Variants in BDP1 observed in about 807,000 individuals in gnomAD.
BDP1 encodes BDP1 general transcription factor IIIB subunit.
In BDP1, 169 loss-of-function variants were observed where a neutral mutation model predicts 266.6. That is an observed-to-expected ratio of 0.63 (90% CI 0.56 to 0.72). The LOEUF (loss-of-function observed/expected upper bound fraction) is 0.72. BDP1 is among the 30% of genes least tolerant of loss of function. The pLI, the probability that BDP1 is intolerant of heterozygous loss-of-function variation, is 0.00. For missense variants in BDP1, 3,015 were observed against 3,053.8 expected, an observed-to-expected ratio of 0.99 and a Z score of 0.30; for synonymous variants, 1,090 against 1,022.4, an observed-to-expected ratio of 1.07 and a Z score of -1.26.
chr5:71,516,295 A>C (rs778249643), intron 21 of BDP1, 24 bp downstream of exon 21: 10 of 1,579,182 alleles, frequency 6.3e-6, no homozygotes, highest in Non-Finnish European at 8.7e-6. Context: ...ATGTAATTAA[A>C]TTTAGCCTTT....
At chr5:71,517,926 AAAG>A (rs1324171545) in intron 22 of BDP1, among the ~76,000 whole-genome samples, 6 of 152,166 alleles carry the variant, frequency 3.9e-5, no homozygotes, top group African/African-American at 7.2e-5. Flanking sequence ...AAAAAAAAGA[AAAG>A]AAGTTTATAA....
At position 71,489,550 on chromosome 5, in the gene BDP1, G is replaced by C; in HGVS notation, c.1360G>C (p.Ala454Pro). 1 of 1,614,116 alleles carries C rather than the reference G, an allele frequency of 6.2e-7. No homozygotes were observed. Among genetic ancestry groups the C allele is most frequent in the Non-Finnish European group, 8.5e-7 (1 of 1,179,996 alleles). The change falls in exon 10 of 39, where the codon GCA becomes CCA. Residue 454 changes from alanine (A) to proline (P), a missense_variant. Ala to Pro is a conservative substitution (Grantham distance 27). This residue lies in a region of BDP1 where 2,383 missense variants were observed against 2,404.9 expected (regional missense o/e 0.99). Transcript: ENST00000358731. Reference protein sequence around the residue: ...TLSREDAEQVALEVDLNQKKR... With the variant: ...TLSREDAEQVPLEVDLNQKKR... ...ATCAAGGGAGGATGCAGAGCAGGTT[G>C]CATTAGAAGTAGACCTAAATCAAAA...
chr5:71,455,894 G>C lies in BDP1; in HGVS notation c.17G>C (p.Arg6Pro), dbSNP rs1761139904. The C allele has an allele frequency of 8.8e-6, 14 of 1,595,866 alleles. No homozygotes were observed. Among genetic ancestry groups the C allele is most frequent in the Non-Finnish European group, 1.2e-5 (14 of 1,171,596 alleles). ...GCCTCCGCCATGTTCCGCAGGGCAC[G>C]CCTTAGCGTGAAGCCGAATGTCAGG... MFRRA[R>P]LSVKPNVRPG... Residue 6 changes from arginine to proline, a missense_variant, in exon 1 of 39, where the codon CGC (arginine) becomes CCC (proline). Arg to Pro is a moderately radical substitution (Grantham distance 103). This residue lies in a region of BDP1 where 2,383 missense variants were observed against 2,404.9 expected (regional missense o/e 0.99). Transcript: ENST00000358731.
chr5:71,536,856 C>T (rs1004757045), intron 26 of BDP1, among the ~76,000 whole-genome samples: 8 of 151,812 alleles, frequency 5.3e-5, no homozygotes, highest in Non-Finnish European at 1.0e-4. Flanking sequence ...AGGTCGAGCG[C>T]GTTGGCTCAC....
At chr5:71,552,432 GGCT>G (rs1235679191) in intron 34 of BDP1, among the ~76,000 whole-genome samples, 1 of 152,282 alleles carries the variant, frequency 6.6e-6, no homozygotes, top group African/African-American at 2.4e-5. Context: ...GCCAGGCAGA[GGCT>G]GCAATCTCGG....
chr5:71,466,242 G>T (rs781069489), intron 5 of BDP1, 21 bp downstream of exon 5: 1 of 1,613,568 alleles, frequency 6.2e-7, no homozygotes, highest in Non-Finnish European at 8.5e-7. Flanking sequence ...AAGAGAAAAA[G>T]TGAGATTGTG....
Position 71,456,099 on chromosome 5 carries a change from T to C in BDP1, c.212+10T>C, listed in dbSNP as rs752804325. Reference sequence around the variant, plus strand: ...AGGCTCCTAGGAGCAGGTAAGAGGTTGCAGAGGGAAGAATTTTCATTTGTC... The same window carrying C: ...AGGCTCCTAGGAGCAGGTAAGAGGTCGCAGAGGGAAGAATTTTCATTTGTC... On this transcript the variant is annotated intron_variant, in intron 1 of 38. Coordinates refer to ENST00000358731, the MANE Select transcript of BDP1 (RefSeq NM_018429.3). 1 of 1,606,510 alleles carries C rather than the reference T, an allele frequency of 6.2e-7. No homozygotes were observed. The highest frequency in any genetic ancestry group is 1.3e-5 in the African/African-American group (1 of 74,638).
chr5:71,568,238 A>G (rs1421058876), downstream of BDP1, among the ~76,000 whole-genome samples: 1 of 152,178 alleles, frequency 6.6e-6, no homozygotes, highest in Non-Finnish European at 1.5e-5. Flanking sequence ...TATTTGGAAG[A>G]GACTCCACAC....
At chr5:71,459,005 T>G (rs1326345818) in intron 2 of BDP1, 150 bp downstream of exon 2, 1 of 683,934 alleles carries the variant, frequency 1.5e-6, no homozygotes, top group African/African-American at 1.8e-5. Flanking sequence ...GTTAATGGAT[T>G]GATTGATACA....
chr5:71,568,494 G>C (rs1478321927), downstream of BDP1, among the ~76,000 whole-genome samples: 3 of 152,140 alleles, frequency 2.0e-5, no homozygotes, highest in African/African-American at 7.2e-5. Flanking sequence ...TAAGAGATGG[G>C]GTTTCGCTTT....
chr5:71,477,277 C>T (rs1762650806), intron 7 of BDP1, among the ~76,000 whole-genome samples: 1 of 152,072 alleles, frequency 6.6e-6, no homozygotes, highest in East Asian at 1.9e-4. Context: ...CCTGCCTCAG[C>T]CTCCTGGACC....
Position 71,525,329 on chromosome 5 carries a change from G to A in BDP1, c.5772+1006G>A, listed in dbSNP as rs1209764307. Reference sequence around the variant, plus strand: ...GGGCAGAGGGGCTCCTCACTTCCCAGTAGGGGCGGCCGGGCAGAGGCACCC... The same window carrying A: ...GGGCAGAGGGGCTCCTCACTTCCCAATAGGGGCGGCCGGGCAGAGGCACCC... On this transcript the variant is annotated intron_variant, in intron 25 of 38. Transcript: ENST00000358731. Among the ~76,000 whole-genome samples, 714 of 142,264 alleles carry A rather than the reference G, an allele frequency of 5.0e-3. 5 individuals carry two copies. The highest frequency in any genetic ancestry group is 0.018 in the African/African-American group (685 of 38,286). 93.3% of individuals were successfully genotyped at this position (142,264 alleles called of 152,430 possible).
intron 9 of BDP1, among the ~76,000 whole-genome samples, chr5:71,487,470 C>T (rs1763335500): frequency 1.3e-5 from 2 of 152,152 alleles, no homozygotes; most frequent in African/African-American, 4.8e-5. Context: ...GTCTTGATCT[C>T]TTGACCTCAT....
chr5:71,548,302 T>G (rs1406328108), intron 32 of BDP1, among the ~76,000 whole-genome samples: 6 of 152,094 alleles, frequency 3.9e-5, no homozygotes, highest in Admixed American at 3.9e-4. Flanking sequence ...TGTTTGTGGT[T>G]TTTTGGAAAA....
At chr5:71,511,258 T>C (rs1191290076) in intron 17 of BDP1, 107 bp downstream of exon 17, 1 of 1,100,154 alleles carries the variant, frequency 9.1e-7, no homozygotes, top group Non-Finnish European at 1.3e-6. Flanking sequence ...TAAAAATCTC[T>C]AAAAGTCTAA....
intron 1 of BDP1, among the ~76,000 whole-genome samples, chr5:71,457,810 T>C (rs1045229919): frequency 1.3e-5 from 2 of 152,234 alleles, no homozygotes; most frequent in African/African-American, 4.8e-5. Context: ...TATAAGTAAT[T>C]ATAAAATAGG....
In BDP1 at chr5:71,488,799, C is replaced by T. The variant is rs190923862; in HGVS notation, c.1214-605C>T. 2.2e-3 allele frequency among the ~76,000 whole-genome samples: 335 copies of T among 150,814 alleles called. 1 individual carries two copies. Among genetic ancestry groups the T allele is most frequent in the African/African-American group, 7.9e-3 (322 of 40,966 alleles). On this transcript the variant is annotated intron_variant, in intron 9 of 38. Coordinates refer to ENST00000358731, the MANE Select transcript of BDP1 (RefSeq NM_018429.3). ...CTTGGCTCACTGCAACCTCCGCCTC[C>T]CGTGTTCAAGTGATTCTCCTGCCTC... is the stretch of plus-strand genomic sequence containing the variant.
In BDP1 at chr5:71,515,109, GT is replaced by G; in HGVS notation, c.4638del (p.Val1547PhefsTer8). Reference protein sequence around the residue: ...QSAPVQKNDSVVSVGTNNVNT... With the variant: ...QSAPVQKNDSXVSVGTNNVNT... ...AGCACCAGTCCAGAAAAATGACTCA[GT>G]TGTTTCTGTGGGGTAAACAGTGATT... On this transcript the variant is annotated frameshift_variant, in exon 20 of 39. Transcript: ENST00000358731. LOFTEE classifies it high-confidence loss of function. 6.3e-7 allele frequency: 1 copy of G among 1,595,116 alleles called. No individual in the cohort carries two copies. The highest frequency in any genetic ancestry group is 8.5e-7 in the Non-Finnish European group (1 of 1,174,294).
At chr5:71,482,986 CAAT>C (rs534890831) in intron 7 of BDP1, among the ~76,000 whole-genome samples, 27 of 152,162 alleles carry the variant, frequency 1.8e-4, no homozygotes, top group African/African-American at 6.5e-4. Flanking sequence ...GGGTCATAAA[CAAT>C]AAGGAAATAC....
Sources: gnomAD v4.1 joint callset for allele counts (sites outside exome capture counted in the v4.1 genomes callset) on GRCh38, gnomAD v4.1.1 for gene constraint, gnomAD v4.1.1 regional missense constraint, MANE v1.5 for transcripts, NCBI Gene and HGNC (gene_info 2026-07-23, HGNC 2026-07-21) for gene names.